Variants in ELOVL7 observed in about 807,000 individuals in gnomAD.
ELOVL7 encodes ELOVL fatty acid elongase 7, also known as very long chain fatty acid elongase 7.
In ELOVL7, 27 loss-of-function variants were observed where a neutral mutation model predicts 35.7. That is an observed-to-expected ratio of 0.76 (90% CI 0.56 to 1.04). ELOVL7 has a LOEUF of 1.04. ELOVL7 is among the 50% of genes least tolerant of loss of function. ELOVL7 has a pLI of 0.00. For missense variants in ELOVL7, 327 were observed against 340.8 expected (o/e 0.96, Z 0.32); for synonymous variants, 113 against 114.6 (o/e 0.99, Z 0.09).
At chr5:60,798,818 A>C (rs533305693) in intron 2 of ELOVL7, among the ~76,000 whole-genome samples, 1 of 152,372 alleles carries the variant, frequency 6.6e-6, no homozygotes, top group South Asian at 2.1e-4. Flanking sequence ...AAAATAAATA[A>C]GGAAACATTG....
intron 1 of ELOVL7, among the ~76,000 whole-genome samples, chr5:60,830,121 A>G (rs1302674661): frequency 6.6e-6 from 1 of 152,278 alleles, no homozygotes; most frequent in East Asian, 1.9e-4. Flanking sequence ...AGACTCAAAC[A>G]GTATCAGAAA....
chr5:60,827,192 C>T (rs1394149816), intron 1 of ELOVL7, among the ~76,000 whole-genome samples: 2 of 152,046 alleles, frequency 1.3e-5, no homozygotes, highest in Non-Finnish European at 2.9e-5. Context: ...TATACATTTG[C>T]AATACAATAT....
chr5:60,810,678 C>T (rs1745191298), intron 1 of ELOVL7, among the ~76,000 whole-genome samples: 1 of 152,206 alleles, frequency 6.6e-6, no homozygotes, highest in Non-Finnish European at 1.5e-5. Context: ...ATCCATGCCA[C>T]ACTAGTTATT....
At chr5:60,756,031 A>G (rs1365909322) in intron 8 of ELOVL7, among the ~76,000 whole-genome samples, 1 of 152,200 alleles carries the variant, frequency 6.6e-6, no homozygotes, top group Non-Finnish European at 1.5e-5. Flanking sequence ...TTCCCACAAC[A>G]TAGCCACTTA....
At chr5:60,781,158 C>T (rs1160287032) in intron 3 of ELOVL7, among the ~76,000 whole-genome samples, 2 of 150,212 alleles carry the variant, frequency 1.3e-5, no homozygotes, top group African/African-American at 2.5e-5. Context: ...TGCAGTGAAC[C>T]GGAGATCATG....
At chr5:60,825,003 T>A (rs1373015060) in intron 1 of ELOVL7, among the ~76,000 whole-genome samples, 1 of 151,702 alleles carries the variant, frequency 6.6e-6, no homozygotes, top group Non-Finnish European at 1.5e-5. Context: ...TCACCCAGGC[T>A]GGAGTGCAGT....
At chr5:60,819,816 C>T (rs952505119) in intron 1 of ELOVL7, among the ~76,000 whole-genome samples, 7 of 152,002 alleles carry the variant, frequency 4.6e-5, no homozygotes, top group African/African-American at 1.4e-4. Context: ...AAAAAAACCA[C>T]GATCATAATG....
intron 1 of ELOVL7, among the ~76,000 whole-genome samples, chr5:60,824,017 A>C (rs1175382189): frequency 2.0e-5 from 3 of 152,196 alleles, no homozygotes; most frequent in Non-Finnish European, 2.9e-5. Flanking sequence ...CCTGCAGAGG[A>C]TTACTGTAGG....
rs1352618706 is a variant in ELOVL7, at chr5:60,838,589, A to G, written c.-86+5571T>C. Among the ~76,000 whole-genome samples, 4 of 152,186 alleles carry G rather than the reference A, an allele frequency of 2.6e-5. No homozygotes were observed. In the East Asian group the frequency reaches 7.7e-4, roughly 29 times the overall value. ...TATCTAGGTTTGGCTCTTTTACCCT[A>G]CATTAGAAAGTCCAAGAAGCAGGGC... On this transcript the variant is annotated intron_variant, in intron 1 of 8. Transcript: ENST00000508821.
intron 7 of ELOVL7, among the ~76,000 whole-genome samples, chr5:60,763,737 T>C (rs1184424561): frequency 1.3e-5 from 2 of 152,162 alleles, no homozygotes; most frequent in Non-Finnish European, 2.9e-5. Context: ...TTTAGGAAGT[T>C]GGGGTAACCA....
chr5:60,787,169 T>C (rs1178425911), intron 3 of ELOVL7, among the ~76,000 whole-genome samples, 165 bp downstream of exon 3: 3 of 152,206 alleles, frequency 2.0e-5, no homozygotes, highest in Admixed American at 6.5e-5. Flanking sequence ...GCTCCATCTT[T>C]GTACATATCT....
intron 1 of ELOVL7, among the ~76,000 whole-genome samples, chr5:60,831,504 T>C (rs1392018895): frequency 6.6e-6 from 1 of 152,234 alleles, no homozygotes; most frequent in East Asian, 1.9e-4. Flanking sequence ...TTCTTCTCTG[T>C]CTAGTGCTAG....
Position 60,758,283 on chromosome 5 carries a change from T to C in ELOVL7, c.500-638A>G, listed in dbSNP as rs901356805. Among the ~76,000 whole-genome samples the C allele has an allele frequency of 3.3e-5, 5 of 152,354 alleles. No homozygotes were observed. In the East Asian group the frequency reaches 9.6e-4, roughly 29 times the overall value. On this transcript the variant is annotated intron_variant, in intron 7 of 8. Coordinates refer to ENST00000508821, the MANE Select transcript of ELOVL7 (RefSeq NM_024930.3). Reference sequence around the variant, plus strand: ...TTTTTACTACTGTGTTTATACCATATAAACGCATCACTAATTACCCATTCT... The same window carrying C: ...TTTTTACTACTGTGTTTATACCATACAAACGCATCACTAATTACCCATTCT...
chr5:60,839,975 G>A (rs1390239926), intron 1 of ELOVL7, among the ~76,000 whole-genome samples: 2 of 152,004 alleles, frequency 1.3e-5, no homozygotes, highest in Non-Finnish European at 2.9e-5. Flanking sequence ...ACTCCCGCCT[G>A]GGTGACAGAG....
chr5:60,819,155 G>T (rs1275761542), intron 1 of ELOVL7, among the ~76,000 whole-genome samples: 2 of 138,246 alleles, frequency 1.4e-5, no homozygotes, highest in Non-Finnish European at 3.1e-5. Context: ...GCTTGATATA[G>T]ACCTCAATAT....
chr5:60,787,584 C>T (rs1260271932), intron 2 of ELOVL7, 153 bp from the exon 3 acceptor site: 1 of 475,066 alleles, frequency 2.1e-6, no homozygotes. Context: ...AAGTAAATTA[C>T]TTTAAACCCT....
intron 6 of ELOVL7, among the ~76,000 whole-genome samples, chr5:60,764,874 A>G (rs538105067): frequency 2.6e-5 from 4 of 152,188 alleles, no homozygotes; most frequent in Non-Finnish European, 5.9e-5. Flanking sequence ...GCAAAACTGC[A>G]TAGAAAAAAA....
chr5:60,840,386 T>C lies in ELOVL7; in HGVS notation c.-86+3774A>G, dbSNP rs544307343. ...ATGCATATGAAGACAGAAGCAGAGA[T>C]TAGAGTGATGCCAGCACAAGGAATA... On this transcript the variant is annotated intron_variant, in intron 1 of 8. Transcript: ENST00000508821. Among the ~76,000 whole-genome samples the C allele has an allele frequency of 3.9e-5, 6 of 152,128 alleles. No individual in the cohort carries two copies. In the South Asian group the frequency reaches 6.2e-4, roughly 16 times the overall value.
intron 7 of ELOVL7, among the ~76,000 whole-genome samples, chr5:60,761,266 T>C (rs1181594331): frequency 2.6e-5 from 4 of 152,134 alleles, no homozygotes; most frequent in Non-Finnish European, 5.9e-5. Flanking sequence ...GAAGGGGATA[T>C]ATGCACAATT....
Sources: allele counts gnomAD v4.1 joint callset (sites outside exome capture counted in the v4.1 genomes callset), GRCh38; gene constraint gnomAD v4.1.1; transcripts MANE v1.5; gene names NCBI Gene and HGNC (gene_info 2026-07-23, HGNC 2026-07-21).